Variants in GALNTL6 observed in about 807,000 individuals in gnomAD.
GALNTL6 encodes polypeptide N-acetylgalactosaminyltransferase like 6.
Under a neutral mutation model 73.7 loss-of-function variants are expected in GALNTL6, and 46 were observed. The observed-to-expected ratio is 0.62, with a 90% CI of 0.49 to 0.80. The LOEUF (loss-of-function observed/expected upper bound fraction) is 0.80. Among genes scored for constraint, GALNTL6 ranks in the 30% least tolerant of loss-of-function variants. The pLI is 0.00. For synonymous variants in GALNTL6, 259 were observed against 263.7 expected, an observed-to-expected ratio of 0.98 and a Z score of 0.17; for missense variants, 604 against 755.0, an observed-to-expected ratio of 0.80 and a Z score of 2.34.
intron 5 of GALNTL6, among the ~76,000 whole-genome samples, chr4:172,427,596 AT>A (rs1459033948): frequency 2.0e-5 from 3 of 152,190 alleles, no homozygotes; most frequent in East Asian, 1.9e-4. Flanking sequence ...TTAGGAAAAA[AT>A]ATTATTAAAT....
At chr4:171,925,584 A>G (rs1398569762) in intron 2 of GALNTL6, among the ~76,000 whole-genome samples, 6 of 152,122 alleles carry the variant, frequency 3.9e-5, no homozygotes, top group Non-Finnish European at 5.9e-5. Context: ...ACTTTGAATA[A>G]TTTTTATTTT....
At chr4:172,330,201 G>C (rs558230096) in intron 4 of GALNTL6, among the ~76,000 whole-genome samples, 1 of 152,310 alleles carries the variant, frequency 6.6e-6, no homozygotes, top group Non-Finnish European at 1.5e-5. Flanking sequence ...GAGAAGCCCA[G>C]AGCTGGGAGC....
chr4:173,033,296 C>A (rs1000419024), intron 12 of GALNTL6, among the ~76,000 whole-genome samples: 1 of 151,894 alleles, frequency 6.6e-6, no homozygotes, highest in Non-Finnish European at 1.5e-5. Flanking sequence ...AGCCACTGTG[C>A]CCAGCCAAGA....
At chr4:172,295,000 T>C (rs1410513915) in intron 3 of GALNTL6, among the ~76,000 whole-genome samples, 2 of 152,224 alleles carry the variant, frequency 1.3e-5, no homozygotes, top group African/African-American at 4.8e-5. Flanking sequence ...GTTATCTTTT[T>C]AAAATATATA....
At chr4:172,956,245 G>A (rs1749747646) in intron 10 of GALNTL6, among the ~76,000 whole-genome samples, 1 of 152,106 alleles carries the variant, frequency 6.6e-6, no homozygotes, top group Non-Finnish European at 1.5e-5. Flanking sequence ...GGAAGATTTT[G>A]TGGTAAGGGG....
intron 5 of GALNTL6, among the ~76,000 whole-genome samples, chr4:172,515,921 A>G (rs1734591462): frequency 6.6e-6 from 1 of 152,040 alleles, no homozygotes; most frequent in Non-Finnish European, 1.5e-5. Flanking sequence ...ACCCTTCACC[A>G]CCCTCAGACC....
chr4:172,487,263 C>A (rs1395274377), intron 5 of GALNTL6, among the ~76,000 whole-genome samples: 1 of 140,142 alleles, frequency 7.1e-6, no homozygotes. Context: ...TCCTTCCTTC[C>A]TTCCTTTCCT....
At chr4:172,673,962 T>A (rs1732136170) in intron 5 of GALNTL6, among the ~76,000 whole-genome samples, 1 of 152,190 alleles carries the variant, frequency 6.6e-6, no homozygotes, top group Non-Finnish European at 1.5e-5. Flanking sequence ...TTTAGCCCAT[T>A]TACATTCAAG....
At chr4:171,879,628 T>A (rs1300316101) in intron 2 of GALNTL6, among the ~76,000 whole-genome samples, 2 of 152,172 alleles carry the variant, frequency 1.3e-5, no homozygotes, top group African/African-American at 2.4e-5. Flanking sequence ...GGAAACAAAT[T>A]TTAATAAATC....
intron 5 of GALNTL6, among the ~76,000 whole-genome samples, chr4:172,752,232 A>G (rs1241328542): frequency 6.6e-6 from 1 of 152,098 alleles, no homozygotes; most frequent in Non-Finnish European, 1.5e-5. Context: ...ACAACTAATT[A>G]TCAGGAAATT....
At chr4:172,010,245 A>G (rs1740963420) in intron 2 of GALNTL6, among the ~76,000 whole-genome samples, 2 of 152,086 alleles carry the variant, frequency 1.3e-5, no homozygotes, top group African/African-American at 2.4e-5. Context: ...AGCTAAAGCT[A>G]TGCGATGAGT....
chr4:172,258,741 A>G (rs1345508737), intron 3 of GALNTL6, among the ~76,000 whole-genome samples: 1 of 150,882 alleles, frequency 6.6e-6, no homozygotes, highest in Non-Finnish European at 1.5e-5. Flanking sequence ...TTTATCTCTC[A>G]CCTCCATCCC....
intron 5 of GALNTL6, among the ~76,000 whole-genome samples, chr4:172,526,304 G>T (rs1454366157): frequency 6.6e-6 from 1 of 152,058 alleles, no homozygotes; most frequent in African/African-American, 2.4e-5. Flanking sequence ...TTTCAGCATC[G>T]CTCACTGGAG....
intron 9 of GALNTL6, among the ~76,000 whole-genome samples, chr4:172,934,912 G>A (rs1748528014): frequency 6.6e-6 from 1 of 152,184 alleles, no homozygotes; most frequent in African/African-American, 2.4e-5. Flanking sequence ...TGTGAGCCAA[G>A]CACTGTGCTG....
intron 12 of GALNTL6, among the ~76,000 whole-genome samples, chr4:173,032,956 A>G (rs1194168227): frequency 6.6e-6 from 1 of 152,226 alleles, no homozygotes; most frequent in African/African-American, 2.4e-5. Flanking sequence ...GCACCGTCTC[A>G]GCACTCACAC....
chr4:172,730,449 A>G (rs57117991), intron 5 of GALNTL6, among the ~76,000 whole-genome samples: 54,639 of 152,082 alleles, frequency 0.36, 10,865 homozygotes, highest in African/African-American at 0.52. Flanking sequence ...AGGGATGCTG[A>G]ATTTTATTAA....
At chr4:172,584,026 T>A (rs1737309259) in intron 5 of GALNTL6, among the ~76,000 whole-genome samples, 1 of 152,150 alleles carries the variant, frequency 6.6e-6, no homozygotes, top group Admixed American at 6.6e-5. Context: ...AAGAACATTT[T>A]TTGAAGATCT....
intron 5 of GALNTL6, among the ~76,000 whole-genome samples, chr4:172,549,207 C>T (rs1390870468): frequency 2.6e-5 from 4 of 152,120 alleles, no homozygotes; most frequent in East Asian, 1.9e-4. Flanking sequence ...CAATAACTTG[C>T]ATCGTTTTTA....
chr4:171,888,811 A>G (rs1161636339), intron 2 of GALNTL6, among the ~76,000 whole-genome samples: 1 of 152,136 alleles, frequency 6.6e-6, no homozygotes, highest in Non-Finnish European at 1.5e-5. Flanking sequence ...AAAGAAGTGC[A>G]TATGTATCTA....
Sources: allele counts gnomAD v4.1 joint callset (sites outside exome capture counted in the v4.1 genomes callset), GRCh38; gene constraint gnomAD v4.1.1; transcripts MANE v1.5; gene names NCBI Gene and HGNC (gene_info 2026-07-23, HGNC 2026-07-21).